FGGY: variants seen among roughly 807,000 people sequenced by gnomAD.
The protein encoded by FGGY is FGGY carbohydrate kinase domain-containing protein.
In FGGY, 72 loss-of-function variants were observed where a neutral mutation model predicts 71.3. That is an observed-to-expected ratio of 1.01 (90% CI 0.84 to 1.23). The LOEUF is 1.23. FGGY is among the 50% of genes most tolerant of loss of function. The pLI is 0.00. For missense variants in FGGY, 668 were observed against 682.3 expected (o/e 0.98, Z 0.23); for synonymous variants, 251 against 250.3 (o/e 1.00, Z -0.02).
chr1:59,600,392 C>T (rs1161060233), intron 8 of FGGY, among the ~76,000 whole-genome samples: 1 of 152,130 alleles, frequency 6.6e-6, no homozygotes, highest in African/African-American at 2.4e-5. Context: ...TCAAAGGTTC[C>T]ATGTGGAGCT....
intron 1 of FGGY, among the ~76,000 whole-genome samples, chr1:59,311,516 G>A (rs2044326651): frequency 6.6e-6 from 1 of 152,036 alleles, no homozygotes; most frequent in Non-Finnish European, 1.5e-5. Context: ...TCCTGTGTTA[G>A]TTTGCTGAGG....
rs2046306217 is a variant in FGGY at position 59,321,113 on chromosome 1, A to G, written c.-14-423A>G. On this transcript the variant is annotated intron_variant, in intron 1 of 15. Transcript: ENST00000303721. Reference sequence around the variant, plus strand: ...GAGGTACTTAGTAGGTAATTGTTGAATGAATGACTGACTAGGAGGACAAGG... The same window carrying G: ...GAGGTACTTAGTAGGTAATTGTTGAGTGAATGACTGACTAGGAGGACAAGG... Among the ~76,000 whole-genome samples, 4 of 152,284 alleles carry G rather than the reference A, an allele frequency of 2.6e-5. No individual in the cohort carries two copies. In the South Asian group the frequency reaches 8.3e-4, roughly 32 times the overall value.
intron 5 of FGGY, among the ~76,000 whole-genome samples, chr1:59,440,803 A>C (rs1451167497): frequency 1.3e-5 from 2 of 151,444 alleles, no homozygotes. Flanking sequence ...TGACACCAGA[A>C]GGTGATTAGG....
chr1:59,400,505 G>A (rs1014763812), intron 5 of FGGY, among the ~76,000 whole-genome samples: 1 of 149,196 alleles, frequency 6.7e-6, no homozygotes, highest in Non-Finnish European at 1.5e-5. Flanking sequence ...CACAAAGTAC[G>A]TTTTGAGACC....
intron 5 of FGGY, among the ~76,000 whole-genome samples, chr1:59,389,641 A>G (rs933768649): frequency 2.6e-5 from 4 of 152,182 alleles, no homozygotes; most frequent in African/African-American, 7.2e-5. Context: ...TTCTAAGTTT[A>G]GCTTGGTGAG....
chr1:59,383,499 A>G (rs1228521789), intron 5 of FGGY, among the ~76,000 whole-genome samples: 1 of 152,140 alleles, frequency 6.6e-6, no homozygotes, highest in African/African-American at 2.4e-5. Flanking sequence ...TTTAACCTGA[A>G]AAACCAGTTC....
At chr1:59,645,320 G>C (rs1288468527) in intron 11 of FGGY, among the ~76,000 whole-genome samples, 1 of 152,170 alleles carries the variant, frequency 6.6e-6, no homozygotes, top group Non-Finnish European at 1.5e-5. Flanking sequence ...GGCAGCTCCT[G>C]CTTGGTGGCC....
intron 5 of FGGY, among the ~76,000 whole-genome samples, chr1:59,435,024 A>C (rs1237957744): frequency 6.6e-6 from 1 of 152,228 alleles, no homozygotes; most frequent in Non-Finnish European, 1.5e-5. Flanking sequence ...TGCGGGGCAG[A>C]TAAAGATGAG....
At position 59,644,883 on chromosome 1, in the gene FGGY, AG is replaced by A. The variant is rs201397741; in HGVS notation, c.1221+6510del. On this transcript the variant is annotated intron_variant, in intron 11 of 15. Transcript: ENST00000303721. ...TCCCAGCTACTCAGGAGGCTGAGGC[AG>A]GAGAGTCGCTTGAACCCAGGAGGCA... 3.5e-3 allele frequency among the ~76,000 whole-genome samples: 533 copies of A among 152,128 alleles called. 4 individuals carry two copies. Among genetic ancestry groups the A allele is most frequent in the African/African-American group, 0.012 (509 of 41,472 alleles).
chr1:59,373,126 G>A (rs1328015956), intron 4 of FGGY, among the ~76,000 whole-genome samples: 1 of 152,100 alleles, frequency 6.6e-6, no homozygotes, highest in Non-Finnish European at 1.5e-5. Flanking sequence ...AATTGTCCCT[G>A]TTTGCAGACG....
At chr1:59,340,926 A>G (rs190826595) in intron 3 of FGGY, among the ~76,000 whole-genome samples, 47 of 152,312 alleles carry the variant, frequency 3.1e-4, no homozygotes, top group African/African-American at 1.1e-3. Flanking sequence ...TGCATGCTCC[A>G]TCTGAAGGGA....
intron 5 of FGGY, among the ~76,000 whole-genome samples, chr1:59,405,371 A>C (rs1046426302): frequency 6.6e-6 from 1 of 152,228 alleles, no homozygotes; most frequent in African/African-American, 2.4e-5. Context: ...TCAATTCTGC[A>C]ACTTATTCCT....
intron 8 of FGGY, among the ~76,000 whole-genome samples, chr1:59,595,603 T>A (rs1043759628): frequency 1.3e-5 from 2 of 152,028 alleles, no homozygotes; most frequent in African/African-American, 4.8e-5. Flanking sequence ...GGCAGAAGAA[T>A]CCTTTGAACC....
At chr1:59,741,389 C>T (rs756521991) in intron 14 of FGGY, among the ~76,000 whole-genome samples, 6 of 152,252 alleles carry the variant, frequency 3.9e-5, no homozygotes, top group South Asian at 2.1e-4. Context: ...CACTTCCTCC[C>T]GCTCCAGCCA....
At chr1:59,681,941 G>A (rs529553595) in intron 14 of FGGY, among the ~76,000 whole-genome samples, 23 of 152,254 alleles carry the variant, frequency 1.5e-4, no homozygotes, top group Admixed American at 9.2e-4. Context: ...GAAAACAAAA[G>A]AAATCATAAT....
At chr1:59,546,113 TG>T (rs2095515745) in intron 7 of FGGY, among the ~76,000 whole-genome samples, 1 of 152,204 alleles carries the variant, frequency 6.6e-6, no homozygotes, top group East Asian at 1.9e-4. Context: ...TGGAAGTTGT[TG>T]GTAGTAACAT....
chr1:59,611,383 A>G (rs2096676129), intron 9 of FGGY, among the ~76,000 whole-genome samples: 1 of 152,152 alleles, frequency 6.6e-6, no homozygotes, highest in Admixed American at 6.5e-5. Flanking sequence ...CACTGGTGAT[A>G]CTCAGGGTCT....
chr1:59,557,513 G>T (rs535295315), intron 8 of FGGY, among the ~76,000 whole-genome samples: 1 of 152,334 alleles, frequency 6.6e-6, no homozygotes, highest in African/African-American at 2.4e-5. Context: ...AAAAGCCTGA[G>T]GTTGAACATA....
chr1:59,371,002 C>T (rs555186890), intron 4 of FGGY, among the ~76,000 whole-genome samples: 3,388 of 151,300 alleles, frequency 0.022, 101 homozygotes, highest in African/African-American at 0.078. Context: ...CATCAACTAA[C>T]GAGCAAAATC....
Sources: allele counts gnomAD v4.1 joint callset (sites outside exome capture counted in the v4.1 genomes callset), GRCh38; gene constraint gnomAD v4.1.1; transcripts MANE v1.5; gene names NCBI Gene and HGNC (gene_info 2026-07-23, HGNC 2026-07-21).